The following URB1 variants were observed in gnomAD, a reference collection of about 807,000 sequenced individuals.
The protein encoded by URB1 is URB1 ribosome biogenesis factor, also known as nucleolar pre-ribosomal-associated protein 1.
In URB1, 197 loss-of-function variants were observed where a neutral mutation model predicts 242.3. The ratio of observed to expected loss-of-function variants is 0.81; its 90% CI spans 0.72 to 0.91. URB1 has a LOEUF of 0.91. URB1 is among the 40% of genes least tolerant of loss of function. The pLI is 0.00. For synonymous variants in URB1, 1,153 were observed against 1,201.8 expected (o/e 0.96, Z 0.84); for missense variants, 2,721 against 2,860.5 (o/e 0.95, Z 1.11).
intron 19 of URB1, among the ~76,000 whole-genome samples, chr21:32,352,049 G>A (rs1343543823): frequency 1.3e-5 from 2 of 152,176 alleles, no homozygotes; most frequent in East Asian, 1.9e-4. Flanking sequence ...AAAACACACA[G>A]AAAACATGCA....
intron 4 of URB1, among the ~76,000 whole-genome samples, chr21:32,381,790 T>C (rs549053424): frequency 2.6e-5 from 4 of 152,314 alleles, no homozygotes; most frequent in Admixed American, 2.0e-4. Flanking sequence ...GGATTTGCTA[T>C]AATCGACTGC....
rs927996364 is a variant in URB1 at position 32,382,568 on chromosome 21, T to C, written c.567+854A>G. Among the ~76,000 whole-genome samples the C allele has an allele frequency of 7.2e-5, 11 of 152,164 alleles. No individual in the cohort carries two copies. In the South Asian group the frequency reaches 1.2e-3, roughly 17 times the overall value. On this transcript the variant is annotated intron_variant, in intron 4 of 38. Coordinates refer to ENST00000382751, the MANE Select transcript of URB1 (RefSeq NM_014825.3). Reference sequence around the variant, plus strand: ...GACAGAACAAGGCAGCACACTGTTATAGAAGTGAATTATTCTAATGTGGTT... The same window carrying C: ...GACAGAACAAGGCAGCACACTGTTACAGAAGTGAATTATTCTAATGTGGTT...
chr21:32,355,736 G>GTAGC (rs1555839194), intron 15 of URB1, among the ~76,000 whole-genome samples, 171 bp from the exon 16 acceptor site: 2 of 152,250 alleles, frequency 1.3e-5, no homozygotes, highest in Non-Finnish European at 1.5e-5. Flanking sequence ...GGCCTCCTGA[G>GTAGC]TAGCTGGGAC....
intron 25 of URB1, 65 bp downstream of exon 25, chr21:32,341,401 G>A: frequency 6.8e-7 from 1 of 1,468,018 alleles, no homozygotes; most frequent in South Asian, 1.2e-5. Context: ...TATAAAAGAG[G>A]CTTTGCATGC....
chr21:32,368,657 G>C, intron 8 of URB1, 59 bp from the exon 9 acceptor site: 1 of 1,412,426 alleles, frequency 7.1e-7, no homozygotes. Context: ...CACCCTGAGA[G>C]CTCATGGTGA....
intron 24 of URB1, 77 bp from the exon 25 acceptor site, chr21:32,341,601 C>T: frequency 7.3e-7 from 1 of 1,378,660 alleles, no homozygotes; most frequent in Non-Finnish European, 1.0e-6. Flanking sequence ...GCTGCAGAGC[C>T]TTCAGAAAGG....
intron 36 of URB1, 133 bp downstream of exon 36, chr21:32,319,084 C>A: frequency 1.2e-6 from 1 of 820,398 alleles, no homozygotes; most frequent in Non-Finnish European, 1.8e-6. Context: ...GGTGCTCTGC[C>A]CCAATCCACA....
chr21:32,392,957 C>T lies in URB1; in HGVS notation c.-47G>A. The T allele has an allele frequency of 6.9e-7, 1 of 1,444,718 alleles. No homozygotes were observed. The highest frequency in any genetic ancestry group is 1.4e-5 in the South Asian group (1 of 72,834). The allele number at this position is 1,444,718 out of a possible 1,614,324, so 89.5% of individuals were successfully genotyped here. On this transcript the variant is annotated 5_prime_UTR_variant, in exon 1 of 39. Transcript: ENST00000382751. ...ACGGAAACGACACACCTGAGGGGAC[C>T]CGGCAGGAGCACTGGCACAGACAGC...
intron 1 of URB1, among the ~76,000 whole-genome samples, chr21:32,392,177 T>A (rs546574508): frequency 6.6e-6 from 1 of 152,210 alleles, no homozygotes; most frequent in African/African-American, 2.4e-5. Context: ...TCCCAAACCA[T>A]GTTACTTTCC....
At chr21:32,319,122 T>G (rs1336795015) in intron 36 of URB1, 95 bp downstream of exon 36, 2 of 1,294,030 alleles carry the variant, frequency 1.5e-6, no homozygotes, top group Non-Finnish European at 2.1e-6. Context: ...GTCCCCCTGG[T>G]ACAGAGTCAT....
At chr21:32,338,087 A>G (rs912750757) in intron 26 of URB1, among the ~76,000 whole-genome samples, 5 of 152,134 alleles carry the variant, frequency 3.3e-5, no homozygotes, top group Non-Finnish European at 7.3e-5. Flanking sequence ...TATTAATAGC[A>G]GTTTATTACA....
intron 4 of URB1, among the ~76,000 whole-genome samples, chr21:32,381,712 T>A (rs2033529111): frequency 6.6e-6 from 1 of 152,240 alleles, no homozygotes; most frequent in Admixed American, 6.5e-5. Context: ...TGGTTTCTGT[T>A]CTTTAAAAGG....
chr21:32,319,170 A>G (rs1418598421), intron 36 of URB1, 47 bp downstream of exon 36: 2 of 1,514,202 alleles, frequency 1.3e-6, no homozygotes, highest in Non-Finnish European at 1.8e-6. Context: ...AGACCAACAC[A>G]GCATCCAAGA....
rs2033417049 is a variant in URB1 at position 32,372,516 on chromosome 21, G to A, written c.992C>T (p.Thr331Ile). The change falls in exon 8 of 39, where the codon ACC (threonine) becomes ATC (isoleucine). Residue 331 changes from threonine to isoleucine, a missense_variant. Coordinates refer to ENST00000382751, the MANE Select transcript of URB1 (RefSeq NM_014825.3). ...GAGTGTTATACTTTACCTGCCAAAG[G>A]TACCCAAAGATGCATCGTAAAAATT... Reference protein sequence around the residue: ...GINFYDASLGTFGRGGNLTLL... With the variant: ...GINFYDASLGIFGRGGNLTLL... 1.3e-6 allele frequency: 2 copies of A among 1,551,254 alleles called. No individual in the cohort carries two copies. Among genetic ancestry groups the A allele is most frequent in the Middle Eastern group, 1.7e-4 (1 of 5,990 alleles).
chr21:32,328,221 T>A (rs1391401997), intron 30 of URB1, among the ~76,000 whole-genome samples: 3 of 152,248 alleles, frequency 2.0e-5, no homozygotes, highest in African/African-American at 7.2e-5. Flanking sequence ...CACTGTAACC[T>A]CCACCTTACG....
At chr21:32,327,433 G>A (rs1220547524) in intron 30 of URB1, among the ~76,000 whole-genome samples, 1 of 151,890 alleles carries the variant, frequency 6.6e-6, no homozygotes, top group African/African-American at 2.4e-5. Flanking sequence ...AAAACAATTG[G>A]TCACCAGTAT....
intron 4 of URB1, among the ~76,000 whole-genome samples, chr21:32,379,504 T>C (rs1438085468): frequency 6.6e-6 from 1 of 152,210 alleles, no homozygotes; most frequent in South Asian, 2.1e-4. Context: ...TTCCACTTAG[T>C]AGTAGCAGGA....
chr21:32,315,000 G>A lies in URB1; in HGVS notation c.6734C>T (p.Ala2245Val). Reference sequence around the variant, plus strand: ...TTCACTGCTCGGGGCATCATCTGCGGCCTCACACACCATCCGGACGTGGGT... The same window carrying A: ...TTCACTGCTCGGGGCATCATCTGCGACCTCACACACCATCCGGACGTGGGT... ...LLTHVRMVCE[A>V]ADDAPSSEEE... The change falls in exon 39 of 39, where the codon GCC becomes GTC. Residue 2245 changes from alanine (A) to valine (V), a missense_variant. Coordinates refer to ENST00000382751, the MANE Select transcript of URB1 (RefSeq NM_014825.3). The A allele has an allele frequency of 6.4e-7, 1 of 1,551,670 alleles. No homozygotes were observed. Among genetic ancestry groups the A allele is most frequent in the Non-Finnish European group, 8.7e-7 (1 of 1,146,988 alleles).
chr21:32,338,609 C>T (rs2032990190), intron 26 of URB1, 98 bp downstream of exon 26: 2 of 1,359,966 alleles, frequency 1.5e-6, no homozygotes, highest in South Asian at 2.5e-5. Flanking sequence ...TTCCTTAGCT[C>T]CGAGAGCCGG....
Sources: gnomAD v4.1 joint callset for allele counts (sites outside exome capture counted in the v4.1 genomes callset) on GRCh38, gnomAD v4.1.1 for gene constraint, MANE v1.5 for transcripts, NCBI Gene and HGNC (gene_info 2026-07-23, HGNC 2026-07-21) for gene names.